The following BMPR1B variants were observed in gnomAD, a reference collection of about 807,000 sequenced individuals.
BMPR1B encodes the protein bone morphogenetic protein receptor type-1B.
In BMPR1B, 12 loss-of-function variants were observed where a neutral mutation model predicts 59.1. The observed-to-expected ratio is 0.20, with a 90% CI of 0.13 to 0.33. The LOEUF is 0.33. BMPR1B is among the 10% of genes least tolerant of loss of function. The pLI, the probability that BMPR1B is intolerant of heterozygous loss-of-function variation, is 1.00. For missense variants in BMPR1B, 550 were observed against 610.9 expected, an observed-to-expected ratio of 0.90 and a Z score of 1.05; for synonymous variants, 237 against 207.3, an observed-to-expected ratio of 1.14 and a Z score of -1.23.
At chr4:94,792,365 A>G (rs1488380758) in intron 1 of BMPR1B, among the ~76,000 whole-genome samples, 1 of 151,996 alleles carries the variant, frequency 6.6e-6, no homozygotes, top group Non-Finnish European at 1.5e-5. Context: ...GATTTTTGTC[A>G]GTTATTAGAT....
chr4:94,810,972 G>T (rs1174760264), intron 1 of BMPR1B, among the ~76,000 whole-genome samples: 2 of 152,148 alleles, frequency 1.3e-5, no homozygotes, highest in African/African-American at 4.8e-5. Flanking sequence ...CTGGTTATAA[G>T]TTACGACGTT....
intron 2 of BMPR1B, among the ~76,000 whole-genome samples, chr4:94,915,201 T>A (rs183359589): frequency 6.6e-6 from 1 of 152,236 alleles, no homozygotes; most frequent in Non-Finnish European, 1.5e-5. Flanking sequence ...TCTTTAAAGC[T>A]GAATATTTGA....
intron 1 of BMPR1B, among the ~76,000 whole-genome samples, chr4:94,848,756 T>A (rs1347536070): frequency 6.6e-6 from 1 of 152,140 alleles, no homozygotes; most frequent in Non-Finnish European, 1.5e-5. Flanking sequence ...CTGAAGCGGT[T>A]CCAGGTGGGC....
chr4:94,899,868 G>C lies in BMPR1B; in HGVS notation c.-113+23968G>C, dbSNP rs564327957. 1.7e-4 allele frequency among the ~76,000 whole-genome samples: 26 copies of C among 152,134 alleles called. 1 individual carries two copies. In the South Asian group the frequency reaches 5.4e-3, roughly 32 times the overall value. On this transcript the variant is annotated intron_variant, in intron 2 of 12. Coordinates refer to ENST00000515059, the MANE Select transcript of BMPR1B (RefSeq NM_001203.3). ...TATAAATACTGTTGATGTCAACTAA[G>C]TTTCCCTGTTCGCCCACACATGGTA...
intron 1 of BMPR1B, among the ~76,000 whole-genome samples, chr4:94,840,248 G>T (rs1455919950): frequency 3.9e-4 from 58 of 146,988 alleles, no homozygotes; most frequent in Non-Finnish European, 7.5e-4. Context: ...TCTTGGAGTT[G>T]CTCTTCTCGA....
At chr4:95,013,444 G>A (rs1265129503) in intron 3 of BMPR1B, among the ~76,000 whole-genome samples, 1 of 152,050 alleles carries the variant, frequency 6.6e-6, no homozygotes, top group African/African-American at 2.4e-5. Context: ...ATATGAGACA[G>A]CTCACCCCAT....
intron 3 of BMPR1B, among the ~76,000 whole-genome samples, chr4:95,060,002 A>G (rs936926601): frequency 6.6e-6 from 1 of 152,318 alleles, no homozygotes; most frequent in African/African-American, 2.4e-5. Flanking sequence ...ACTTGCTGCA[A>G]TGGCCATTGA....
rs1462024862 is a variant in BMPR1B at position 94,840,591 on chromosome 4, C to T, written c.-182-35240C>T. ...GCTTCTGCATTCTTCACGTAGTTCTCGAGCCTTGGTTTTCAGCTCCATCAG... is the reference window on the plus strand; with the variant it reads ...GCTTCTGCATTCTTCACGTAGTTCTTGAGCCTTGGTTTTCAGCTCCATCAG... On this transcript the variant is annotated intron_variant, in intron 1 of 12. Coordinates refer to ENST00000515059, the MANE Select transcript of BMPR1B (RefSeq NM_001203.3). Among the ~76,000 whole-genome samples the T allele has an allele frequency of 6.9e-5, 10 of 145,528 alleles. 1 individual carries two copies. Among genetic ancestry groups the T allele is most frequent in the South Asian group, 2.2e-4 (1 of 4,482 alleles).
intron 2 of BMPR1B, among the ~76,000 whole-genome samples, chr4:94,986,044 G>A (rs751551048): frequency 6.6e-6 from 1 of 151,984 alleles, no homozygotes; most frequent in African/African-American, 2.4e-5. Context: ...TCAATTATAA[G>A]GGGGCAGTTT....
chr4:95,057,176 C>G (rs533939097), intron 3 of BMPR1B, among the ~76,000 whole-genome samples: 1 of 152,200 alleles, frequency 6.6e-6, no homozygotes, highest in African/African-American at 2.4e-5. Context: ...TTGCTTGACT[C>G]AAAATGGTGG....
At chr4:95,137,402 A>G (rs112599499) in intron 10 of BMPR1B, among the ~76,000 whole-genome samples, 2 of 152,118 alleles carry the variant, frequency 1.3e-5, no homozygotes, top group Non-Finnish European at 2.9e-5. Flanking sequence ...TGGGGTGGAG[A>G]GTTCTGTAGA....
In BMPR1B at chr4:94,836,742, T is replaced by G. The variant is rs1293460242; in HGVS notation, c.-182-39089T>G. On this transcript the variant is annotated intron_variant, in intron 1 of 12. Transcript: ENST00000515059. ...ACTCTGATGGTAGTTTCTTTTGCTG[T>G]ACAGAAGCTCTTTATTTTAATTAGA... 1.4e-5 allele frequency among the ~76,000 whole-genome samples: 2 copies of G among 147,626 alleles called. 1 individual carries two copies. The highest frequency in any genetic ancestry group is 3.0e-5 in the Non-Finnish European group (2 of 66,334).
At chr4:95,106,897 T>C (rs1731233825) in intron 4 of BMPR1B, among the ~76,000 whole-genome samples, 1 of 151,818 alleles carries the variant, frequency 6.6e-6, no homozygotes, top group South Asian at 2.1e-4. Context: ...ATGCTGCTGT[T>C]TGAGTTTAGG....
intron 1 of BMPR1B, among the ~76,000 whole-genome samples, chr4:94,817,231 G>C (rs746557245): frequency 2.0e-5 from 3 of 152,142 alleles, no homozygotes; most frequent in Non-Finnish European, 4.4e-5. Flanking sequence ...CCAGTCTCAG[G>C]TATTTTGTTA....
At chr4:94,982,366 C>A (rs547803923) in intron 2 of BMPR1B, among the ~76,000 whole-genome samples, 1 of 151,934 alleles carries the variant, frequency 6.6e-6, no homozygotes, top group African/African-American at 2.4e-5. Flanking sequence ...AGATGCATGA[C>A]GAAAGTTTCA....
intron 2 of BMPR1B, among the ~76,000 whole-genome samples, chr4:94,949,308 C>CTTT (rs1216699208): frequency 2.4e-5 from 2 of 81,932 alleles, no homozygotes; most frequent in Non-Finnish European, 5.0e-5. Context: ...TGAACTCATT[C>CTTT]TTTTTTTTTT....
intron 2 of BMPR1B, among the ~76,000 whole-genome samples, chr4:94,981,246 C>G (rs763021480): frequency 1.3e-5 from 2 of 151,156 alleles, no homozygotes; most frequent in Non-Finnish European, 2.9e-5. Context: ...CTCTATTGCC[C>G]AGTTTGGAGT....
chr4:94,860,595 TTC>T (rs1167944101), intron 1 of BMPR1B, among the ~76,000 whole-genome samples: 1 of 152,224 alleles, frequency 6.6e-6, no homozygotes, highest in African/African-American at 2.4e-5. Context: ...GCCAGGCATA[TTC>T]TGTTTTTTAA....
chr4:95,103,440 A>C, intron 3 of BMPR1B: 1 of 985,240 alleles, frequency 1.0e-6, no homozygotes, highest in Non-Finnish European at 1.2e-6. Flanking sequence ...TTTTAAATTG[A>C]AAACTGCTCA....
Sources: gnomAD v4.1 joint callset for allele counts (sites outside exome capture counted in the v4.1 genomes callset) on GRCh38, gnomAD v4.1.1 for gene constraint, MANE v1.5 for transcripts, NCBI Gene and HGNC (gene_info 2026-07-23, HGNC 2026-07-21) for gene names.